Variants in IPO11 observed in about 807,000 individuals in gnomAD.
IPO11 encodes importin-11.
A neutral mutation model predicts 143.2 loss-of-function variants in IPO11; 66 were observed. The observed-to-expected ratio is 0.46, with a 90% CI of 0.38 to 0.57. IPO11 has a LOEUF of 0.57. Among genes scored for constraint, IPO11 ranks in the 20% least tolerant of loss-of-function variants. The pLI, the probability that IPO11 is intolerant of heterozygous loss-of-function variation, is 0.00. For synonymous variants in IPO11, 385 were observed against 377.8 expected, an observed-to-expected ratio of 1.02 and a Z score of -0.22; for missense variants, 1,026 against 1,141.0, an observed-to-expected ratio of 0.90 and a Z score of 1.45.
intron 27 of IPO11, among the ~76,000 whole-genome samples, chr5:62,587,031 A>T (rs909268428): frequency 5.3e-5 from 8 of 149,578 alleles, no homozygotes; most frequent in African/African-American, 2.0e-4. Flanking sequence ...TCTCCTTTTC[A>T]TGGAAGCTTA....
At chr5:62,551,057 A>G (rs1743374708) in intron 25 of IPO11, among the ~76,000 whole-genome samples, 166 bp from the exon 26 acceptor site, 3 of 151,350 alleles carry the variant, frequency 2.0e-5, no homozygotes, top group Admixed American at 6.6e-5. Flanking sequence ...TAATTCATAT[A>G]TGTATTTAGT....
At chr5:62,498,448 G>T (rs1453145748) in intron 16 of IPO11, among the ~76,000 whole-genome samples, 3 of 152,176 alleles carry the variant, frequency 2.0e-5, no homozygotes, top group Non-Finnish European at 2.9e-5. Context: ...AACTAGAATT[G>T]CTAAACTGTA....
At chr5:62,452,662 CGTGTGTGT>C (rs138539006) in intron 5 of IPO11, among the ~76,000 whole-genome samples, 6 of 140,102 alleles carry the variant, frequency 4.3e-5, no homozygotes, top group South Asian at 4.5e-4. Flanking sequence ...GTTTTGGGTT[CGTGTGTGT>C]GTGTGTGTGT....
At position 62,450,046 on chromosome 5, in the gene IPO11, T is replaced by A. The variant is rs766263927; in HGVS notation, c.312+47T>A. ...ATTTTTCTTTTTATTTGTACTGCTT[T>A]TCCAAACTAATTTTATATTCTGGCA... On this transcript the variant is annotated intron_variant, in intron 4 of 29. Coordinates refer to ENST00000325324, the MANE Select transcript of IPO11 (RefSeq NM_016338.5). 3.3e-6 allele frequency: 4 copies of A among 1,210,188 alleles called. No individual in the cohort carries two copies. In the East Asian group the frequency reaches 9.7e-5, roughly 29 times the overall value. 75.0% of individuals were successfully genotyped at this position (1,210,188 alleles called of 1,614,324 possible). A position where few individuals can be genotyped will look rare whatever the true frequency, so the allele number is the denominator to read the frequency against.
intron 26 of IPO11, chr5:62,560,590 A>G (rs1302661655): frequency 6.6e-6 from 1 of 152,298 alleles, no homozygotes; most frequent in Non-Finnish European, 1.5e-5. Context: ...TATACATAAA[A>G]TTAGCCATCA....
At chr5:62,622,688 G>A (rs1746418232) in intron 29 of IPO11, among the ~76,000 whole-genome samples, 1 of 152,160 alleles carries the variant, frequency 6.6e-6, no homozygotes, top group African/African-American at 2.4e-5. Context: ...AGGCATACTA[G>A]AGTAAGAATG....
intron 7 of IPO11, among the ~76,000 whole-genome samples, chr5:62,470,514 G>A (rs1367535024): frequency 1.3e-5 from 2 of 152,008 alleles, no homozygotes; most frequent in Non-Finnish European, 1.5e-5. Flanking sequence ...ATAGGCCTAG[G>A]ATATTTCTCA....
intron 29 of IPO11, among the ~76,000 whole-genome samples, chr5:62,619,980 GA>G (rs1746286843): frequency 6.6e-6 from 1 of 152,176 alleles, no homozygotes; most frequent in African/African-American, 2.4e-5. Context: ...TATTGCTCAG[GA>G]AAAACACAAG....
intron 19 of IPO11, among the ~76,000 whole-genome samples, chr5:62,514,011 G>A (rs1235061888): frequency 8.6e-5 from 13 of 151,274 alleles, no homozygotes; most frequent in African/African-American, 3.2e-4. Context: ...GGGCAGAGAC[G>A]CTCCTCACTT....
chr5:62,603,976 G>A (rs937327932), intron 29 of IPO11, among the ~76,000 whole-genome samples: 4 of 152,070 alleles, frequency 2.6e-5, no homozygotes, highest in African/African-American at 9.7e-5. Flanking sequence ...TACAGTATTC[G>A]CTACAGTAAC....
intron 1 of IPO11, among the ~76,000 whole-genome samples, chr5:62,417,809 A>C (rs1014456294): frequency 6.6e-6 from 1 of 152,202 alleles, no homozygotes; most frequent in Admixed American, 6.5e-5. Flanking sequence ...CTTGACATTC[A>C]TGTCAAAAAC....
chr5:62,550,335 T>C, intron 24 of IPO11, 32 bp from the exon 25 acceptor site: 1 of 1,475,808 alleles, frequency 6.8e-7, no homozygotes, highest in Non-Finnish European at 9.4e-7. Flanking sequence ...TGACTTGCAG[T>C]ATTATCACCA....
intron 1 of IPO11, among the ~76,000 whole-genome samples, chr5:62,425,797 A>G (rs564442604): frequency 1.1e-3 from 167 of 152,352 alleles, no homozygotes; most frequent in Non-Finnish European, 1.9e-3. Flanking sequence ...TACACAATAT[A>G]TAGAAGTGTA....
Position 62,443,082 on chromosome 5 carries a change from C to G in IPO11, c.238C>G (p.His80Asp). Residue 80 changes from histidine (H) to aspartate (D), a missense_variant and splice_region_variant, in exon 3 of 30, where the codon CAT becomes GAT. His to Asp is a moderately conservative substitution (Grantham distance 81). Coordinates refer to ENST00000325324, the MANE Select transcript of IPO11 (RefSeq NM_016338.5). The stretch of plus-strand genomic sequence containing the variant: ...TCGCTACTGGAGACGTGTAGCACCT[C>G]AGTAAGTTCCATCACTTCCCCTATT... ...IDRYWRRVAP[H>D]ALSEEEKTTL... 1.9e-6 allele frequency: 3 copies of G among 1,583,892 alleles called. No homozygotes were observed. Among genetic ancestry groups the G allele is most frequent in the Non-Finnish European group, 2.6e-6 (3 of 1,156,326 alleles).
intron 16 of IPO11, among the ~76,000 whole-genome samples, chr5:62,494,412 C>T (rs1400188616): frequency 6.6e-6 from 1 of 151,964 alleles, no homozygotes; most frequent in Admixed American, 6.6e-5. Context: ...CTTACATATT[C>T]TTTTTAAAAA....
chr5:62,460,213 A>G (rs1212402105), intron 5 of IPO11, among the ~76,000 whole-genome samples: 1 of 152,244 alleles, frequency 6.6e-6, no homozygotes, highest in Non-Finnish European at 1.5e-5. Flanking sequence ...GTTCTCAAAC[A>G]CATTTTTACA....
At chr5:62,462,497 A>G (rs1745395163) in intron 5 of IPO11, among the ~76,000 whole-genome samples, 1 of 152,046 alleles carries the variant, frequency 6.6e-6, no homozygotes, top group Admixed American at 6.6e-5. Flanking sequence ...AAAAAAAAAA[A>G]GAACAGTTTT....
At position 62,435,176 on chromosome 5, in the gene IPO11, A is replaced by ATG. The variant is rs1322332799; in HGVS notation, c.-6-2097_-6-2096insGT. ...TGTATATATATGTATATATATGTAT[A>ATG]TATGTATATATATGTATATATATGT... On this transcript the variant is annotated intron_variant, in intron 1 of 29. Transcript: ENST00000325324. 2.8e-4 allele frequency among the ~76,000 whole-genome samples: 22 copies of ATG among 77,932 alleles called. 2 individuals carry two copies. The highest frequency in any genetic ancestry group is 9.8e-4 in the African/African-American group (20 of 20,440). The allele number at this position is 77,932 out of a possible 152,430, so 51.1% of individuals were successfully genotyped here.
Position 62,506,265 on chromosome 5 carries a change from C to T in IPO11, c.1690C>T (p.Leu564Phe). The change falls in exon 19 of 30, where the codon CTT becomes TTT. Residue 564 changes from leucine to phenylalanine, a missense_variant. Physicochemically the swap from Leu to Phe is conservative, Grantham distance 22. Transcript: ENST00000325324. ...LPYLETMFTL[L>F]FQLLQQVTEC... is the part of the protein sequence containing the mutation. ...GTATTTGGAAACCATGTTCACACTACTTTTTCAGTTACTGCAGCAAGTTAC... is the reference window on the plus strand; with the variant it reads ...GTATTTGGAAACCATGTTCACACTATTTTTTCAGTTACTGCAGCAAGTTAC... The T allele has an allele frequency of 6.2e-7, 1 of 1,608,016 alleles. No homozygotes were observed. Among genetic ancestry groups the T allele is most frequent in the Non-Finnish European group, 8.5e-7 (1 of 1,176,340 alleles).
Sources: gnomAD v4.1 joint callset for allele counts (sites outside exome capture counted in the v4.1 genomes callset) on GRCh38, gnomAD v4.1.1 for gene constraint, MANE v1.5 for transcripts, NCBI Gene and HGNC (gene_info 2026-07-23, HGNC 2026-07-21) for gene names.